Variants in CAPG observed in about 807,000 individuals in gnomAD.
CAPG encodes macrophage-capping protein.
CAPG carries 32 observed loss-of-function variants against 44.6 expected under a neutral mutation model. The observed-to-expected ratio is 0.72, with a 90% CI of 0.54 to 0.96. The LOEUF (loss-of-function observed/expected upper bound fraction) is 0.96. Among genes scored for constraint, CAPG ranks in the 50% least tolerant of loss-of-function variants. The probability of loss-of-function intolerance (pLI) is 0.00; values close to 1 mark genes in which losing one functional copy is unlikely to be tolerated. For missense variants in CAPG, 412 were observed against 438.3 expected (o/e 0.94, Z 0.54); for synonymous variants, 175 against 179.6 (o/e 0.97, Z 0.20).
chr2:85,400,380 C>T (rs965875077), intron 5 of CAPG, among the ~76,000 whole-genome samples: 5 of 152,182 alleles, frequency 3.3e-5, no homozygotes, highest in East Asian at 1.9e-4. Flanking sequence ...TGTCTCAGCA[C>T]GTGTAGTCCT....
rs1473257523 is a variant in CAPG at position 85,401,607 on chromosome 2, C to G, written c.273G>C (p.Arg91=). Residue 91 remains arginine (R), a synonymous_variant, in exon 4 of 10, where the codon CGG becomes CGC. Transcript: ENST00000263867. ...AVHLNTLLGE[R]PVQHREVQGN... ...CCTGCACCTCGCGGTGCTGCACAGG[C>G]CGCTCTCCCAGCAGCGTGTTGAGGT... is the stretch of plus-strand genomic sequence containing the variant. The G allele has an allele frequency of 6.2e-7, 1 of 1,614,114 alleles. No individual in the cohort carries two copies. Among genetic ancestry groups the G allele is most frequent in the Admixed American group, 1.7e-5 (1 of 60,028 alleles).
intron 8 of CAPG, 105 bp downstream of exon 8, chr2:85,397,915 G>T: frequency 8.5e-7 from 1 of 1,172,714 alleles, no homozygotes; most frequent in South Asian, 1.5e-5. Flanking sequence ...GGCTTCCTGA[G>T]GCTGTCTTTT....
chr2:85,401,549 G>A lies in CAPG; in HGVS notation c.331C>T (p.Pro111Ser). The change falls in exon 4 of 10, where the codon CCA (proline) becomes TCA (serine). Residue 111 changes from proline to serine, a missense_variant. Pro to Ser is a moderately conservative substitution (Grantham distance 74, BLOSUM62 -1). Transcript: ENST00000263867. The stretch of plus-strand genomic sequence containing the variant: ...CTGACCTGGTACTTGAGGCCCCGTG[G>A]GAAGTAGCTCATGAAGAGGTCAGAC... Reference protein sequence around the residue: ...NESDLFMSYFPRGLKYQEGGV... With the variant: ...NESDLFMSYFSRGLKYQEGGV... 6.2e-7 allele frequency: 1 copy of A among 1,613,346 alleles called. No homozygotes were observed. Among genetic ancestry groups the A allele is most frequent in the East Asian group, 2.2e-5 (1 of 44,880 alleles).
Position 85,395,548 on chromosome 2 carries a change from G to A in CAPG, c.971C>T (p.Pro324Leu), listed in dbSNP as rs777686518. The A allele has an allele frequency of 8.7e-6, 14 of 1,613,220 alleles. No individual in the cohort carries two copies. The highest frequency in any genetic ancestry group is 1.6e-4 in the Middle Eastern group (1 of 6,082). Residue 324 changes from proline (P) to leucine (L), a missense_variant, in exon 9 of 10, where the codon CCG becomes CTG. Coordinates refer to ENST00000263867, the MANE Select transcript of CAPG (RefSeq NM_001747.4). The surrounding 1 kb of genome is among the most constrained non-coding windows in gnomAD (Gnocchi z 4.3). ...EGFISRMQYA[P>L]NTQVEILPQG... ...TGCGCATCTCCTCACCTGAGTGTTC[G>A]GGGCGTACTGCATGCGCGAGATGAA...
intron 1 of CAPG, among the ~76,000 whole-genome samples, chr2:85,410,077 C>T (rs1196185489): frequency 6.6e-6 from 1 of 152,240 alleles, no homozygotes. Flanking sequence ...CCCATCCTCC[C>T]GGGCAGCTTC....
At chr2:85,411,142 T>A (rs1687397387), upstream of CAPG, among the ~76,000 whole-genome samples, 1 of 152,178 alleles carries the variant, frequency 6.6e-6, no homozygotes, top group African/African-American at 2.4e-5. Context: ...AGGCGTGGGC[T>A]ACTGCACCTG....
In CAPG at chr2:85,394,790, T is replaced by A; in HGVS notation, c.*103A>T. ...GCTGGGAAAGCACTTGTCTCCTTTA[T>A]TGAACATCTGCAGGGGGCACCTCTG... On this transcript the variant is annotated 3_prime_UTR_variant, in exon 10 of 10. Transcript: ENST00000263867. 1 of 834,632 alleles carries A rather than the reference T, an allele frequency of 1.2e-6. No individual in the cohort carries two copies. Among genetic ancestry groups the A allele is most frequent in the Non-Finnish European group, 2.1e-6 (1 of 473,508 alleles). 51.7% of individuals were successfully genotyped at this position (834,632 alleles called of 1,614,324 possible). A position where few individuals can be genotyped will look rare whatever the true frequency, so the allele number is the denominator to read the frequency against.
rs1405388954 is a variant in CAPG, at chr2:85,395,698, A to C, written c.893-72T>G. On this transcript the variant is annotated intron_variant, in intron 8 of 9. Transcript: ENST00000263867. The surrounding 1 kb of genome is among the most constrained non-coding windows in gnomAD (Gnocchi z 4.3). ...AGCTGCCATCCCATTTTTCTTGAGG[A>C]AATTTAAGGGAGTCCACAGAAGAGC... The C allele has an allele frequency of 8.9e-7, 1 of 1,128,048 alleles. No homozygotes were observed. The highest frequency in any genetic ancestry group is 2.5e-5 in the East Asian group (1 of 39,268). The allele number at this position is 1,128,048 out of a possible 1,614,324, so 69.9% of individuals were successfully genotyped here. A position where few individuals can be genotyped will look rare whatever the true frequency, so the allele number is the denominator to read the frequency against.
In CAPG at chr2:85,395,440, GTGCCCAAGGCTCTCC is replaced by G; in HGVS notation, c.981+83_981+97del. 1 of 899,476 alleles carries G rather than the reference GTGCCCAAGGCTCTCC, an allele frequency of 1.1e-6. No individual in the cohort carries two copies. The highest frequency in any genetic ancestry group is 1.4e-5 in the South Asian group (1 of 72,078). The allele number at this position is 899,476 out of a possible 1,614,324, so 55.7% of individuals were successfully genotyped here. A position where few individuals can be genotyped will look rare whatever the true frequency, so the allele number is the denominator to read the frequency against. On this transcript the variant is annotated intron_variant, in intron 9 of 9. Transcript: ENST00000263867. This position sits in a 1 kb window ranked among gnomAD's most constrained non-coding sequence, Gnocchi z 4.3. ...GAGGGAGGCCTGGTTGTTCCTGACA[GTGCCCAAGGCTCTCC>G]TGCCCTTCCTGGCCAATTTGAGGGG...
chr2:85,404,262 C>A, intron 1 of CAPG, among the ~76,000 whole-genome samples: 1 of 148,170 alleles, frequency 6.7e-6, no homozygotes, highest in South Asian at 2.1e-4. Flanking sequence ...TAAATAAAGC[C>A]GCTCACAACG....
At position 85,401,546 on chromosome 2, in the gene CAPG, G is replaced by A. The variant is rs749388241; in HGVS notation, c.334C>T (p.Arg112Trp). 7 of 1,614,014 alleles carry A rather than the reference G, an allele frequency of 4.3e-6. No homozygotes were observed. The highest frequency in any genetic ancestry group is 2.2e-5 in the South Asian group (2 of 91,090). The change falls in exon 4 of 10, where the codon CGG (arginine) becomes TGG (tryptophan). Residue 112 changes from arginine (R) to tryptophan (W), a missense_variant. Arg to Trp is a moderately radical substitution (Grantham distance 101, BLOSUM62 -3). Coordinates refer to ENST00000263867, the MANE Select transcript of CAPG (RefSeq NM_001747.4). ...ESDLFMSYFP[R>W]GLKYQEGGVE... ...GCTCTGACCTGGTACTTGAGGCCCCGTGGGAAGTAGCTCATGAAGAGGTCA... is the reference window on the plus strand; with the variant it reads ...GCTCTGACCTGGTACTTGAGGCCCCATGGGAAGTAGCTCATGAAGAGGTCA...
upstream of CAPG, chr2:85,413,938 G>A (rs1186570375): frequency 6.6e-6 from 1 of 152,266 alleles, no homozygotes; most frequent in East Asian, 1.9e-4. Context: ...CCCCTACATG[G>A]GGAGCCCAGG....
intron 3 of CAPG, 46 bp from the exon 4 acceptor site, chr2:85,401,729 C>G (rs1686903815): frequency 1.2e-6 from 2 of 1,613,252 alleles, no homozygotes; most frequent in Non-Finnish European, 8.5e-7. Context: ...GTGATCCATA[C>G]CAGCCCCCTC....
In CAPG at chr2:85,402,927, C is replaced by T. The variant is rs141072240; in HGVS notation, c.-13-769G>A. Among the ~76,000 whole-genome samples, 578 of 152,122 alleles carry T rather than the reference C, an allele frequency of 3.8e-3. 7 individuals carry two copies. Among genetic ancestry groups the T allele is most frequent in the African/African-American group, 0.013 (543 of 41,470 alleles). The stretch of plus-strand genomic sequence containing the variant: ...CTGGGATTACAGGCCCACACCACCA[C>T]GCCTGGCTAATTTTTGTATTTTTAG... On this transcript the variant is annotated intron_variant, in intron 1 of 9. Coordinates refer to ENST00000263867, the MANE Select transcript of CAPG (RefSeq NM_001747.4).
At chr2:85,410,865 G>T (rs200840024), upstream of CAPG, among the ~76,000 whole-genome samples, 74 of 126,202 alleles carry the variant, frequency 5.9e-4, no homozygotes, top group African/African-American at 5.7e-4. Context: ...GGTTTTTTTT[G>T]TTTTTTTTTT....
In CAPG at chr2:85,401,592, G is replaced by T. The variant is rs751243644; in HGVS notation, c.288C>A (p.Arg96=). 2 of 1,614,034 alleles carry T rather than the reference G, an allele frequency of 1.2e-6. No individual in the cohort carries two copies. Among genetic ancestry groups the T allele is most frequent in the African/African-American group, 2.7e-5 (2 of 74,932 alleles). Residue 96 remains arginine (R), a synonymous_variant, in exon 4 of 10, where the codon CGC becomes CGA. Coordinates refer to ENST00000263867, the MANE Select transcript of CAPG (RefSeq NM_001747.4). ...TLLGERPVQH[R]EVQGNESDLF... is the part of the protein sequence containing the mutation. ...GGTCAGACTCATTGCCCTGCACCTC[G>T]CGGTGCTGCACAGGCCGCTCTCCCA...
At chr2:85,407,067 T>C (rs115937641) in intron 1 of CAPG, among the ~76,000 whole-genome samples, 7,378 of 151,710 alleles carry the variant, frequency 0.049, 272 homozygotes, top group Middle Eastern at 0.075. Flanking sequence ...TGTAGTGGGA[T>C]TAGAGGCGTG....
chr2:85,394,726 CAGTG>C, downstream of CAPG: 4 of 672,108 alleles, frequency 6.0e-6, no homozygotes, highest in East Asian at 2.7e-5. Context: ...AGGTGGGTGA[CAGTG>C]AGAATCAGCC....
At chr2:85,404,754 AT>A (rs1687069577) in intron 1 of CAPG, among the ~76,000 whole-genome samples, 1 of 151,816 alleles carries the variant, frequency 6.6e-6, no homozygotes, top group African/African-American at 2.4e-5. Context: ...TCTCAAAAAA[AT>A]AAAATAAAAT....
Sources: gnomAD v4.1 joint callset for allele counts (sites outside exome capture counted in the v4.1 genomes callset) on GRCh38, gnomAD v4.1.1 for gene constraint, Gnocchi (gnomAD v3.1) non-coding constraint, MANE v1.5 for transcripts, NCBI Gene and HGNC (gene_info 2026-07-23, HGNC 2026-07-21) for gene names.